Variants in LRMDA observed in about 807,000 individuals in gnomAD.
The protein encoded by LRMDA is leucine rich melanocyte differentiation associated, also known as leucine-rich melanocyte differentiation-associated protein.
Under a neutral mutation model 29.8 loss-of-function variants are expected in LRMDA, and 18 were observed. The observed-to-expected ratio is 0.60, with a 90% confidence interval of 0.42 to 0.90. The LOEUF is 0.90. Among genes scored for constraint, LRMDA ranks in the 40% least tolerant of loss-of-function variants. LRMDA has a pLI of 0.00. For synonymous variants in LRMDA, 125 were observed against 109.4 expected, an observed-to-expected ratio of 1.14 and a Z score of -0.89; for missense variants, 273 against 273.9, an observed-to-expected ratio of 1.00 and a Z score of 0.02.
chr10:76,448,412 T>C (rs149940498), intron 6 of LRMDA, among the ~76,000 whole-genome samples: 43 of 152,240 alleles, frequency 2.8e-4, no homozygotes, highest in African/African-American at 9.6e-4. Context: ...TAAAAGAGTA[T>C]GAATATTTGT....
chr10:75,564,684 C>G (rs983761574), intron 2 of LRMDA, among the ~76,000 whole-genome samples: 1 of 152,228 alleles, frequency 6.6e-6, no homozygotes, highest in African/African-American at 2.4e-5. Context: ...TGGCTGCCCT[C>G]TCTGGAGTAT....
In LRMDA at chr10:76,198,209, G is replaced by A. The variant is rs201316827; in HGVS notation, c.517-126192G>A. 1.4e-4 allele frequency among the ~76,000 whole-genome samples: 21 copies of A among 152,308 alleles called. No homozygotes were observed. The East Asian group carries it at 3.7e-3, about 27-fold the overall frequency. ...GCTTTGGTTGTCATCTGAAGCCTAG[G>A]ACAGTGCTTCTCAAACTTTACTGTG... On this transcript the variant is annotated intron_variant, in intron 5 of 6. Transcript: ENST00000611255.
chr10:75,808,770 A>C (rs1032155402), intron 2 of LRMDA, among the ~76,000 whole-genome samples: 1 of 152,172 alleles, frequency 6.6e-6, no homozygotes, highest in Non-Finnish European at 1.5e-5. Context: ...GGCCTCCCAA[A>C]GTGCTGGGAT....
chr10:76,138,988 C>G (rs1850148648), intron 5 of LRMDA, among the ~76,000 whole-genome samples: 1 of 152,140 alleles, frequency 6.6e-6, no homozygotes, highest in Non-Finnish European at 1.5e-5. Context: ...GTCATGGAAA[C>G]TTATCTTTCC....
intron 5 of LRMDA, among the ~76,000 whole-genome samples, chr10:76,078,195 G>C (rs1221728746): frequency 2.6e-5 from 4 of 151,208 alleles, no homozygotes; most frequent in Non-Finnish European, 5.9e-5. Context: ...ATTTTTAGTA[G>C]AGACGTGTTT....
At chr10:75,567,553 C>G (rs2132067688) in intron 2 of LRMDA, among the ~76,000 whole-genome samples, 1 of 152,288 alleles carries the variant, frequency 6.6e-6, no homozygotes, top group Middle Eastern at 3.4e-3. Context: ...AAGCACCAAG[C>G]ATTTAAAGTT....
At chr10:76,400,038 GA>G (rs1347721878) in intron 6 of LRMDA, among the ~76,000 whole-genome samples, 3 of 152,022 alleles carry the variant, frequency 2.0e-5, no homozygotes, top group African/African-American at 7.2e-5. Flanking sequence ...GCAGATTATC[GA>G]AAAAAGTAAT....
At chr10:75,926,558 TG>T (rs1846123295) in intron 2 of LRMDA, among the ~76,000 whole-genome samples, 3 of 152,246 alleles carry the variant, frequency 2.0e-5, no homozygotes, top group African/African-American at 7.2e-5. Context: ...CTTGATTTTA[TG>T]CAGTATACTA....
intron 2 of LRMDA, among the ~76,000 whole-genome samples, chr10:75,530,712 T>G (rs766928659): frequency 1.3e-5 from 2 of 152,162 alleles, no homozygotes; most frequent in Non-Finnish European, 2.9e-5. Context: ...TCACTGAGAC[T>G]GGGGAAGAAC....
chr10:75,883,923 A>T (rs1451918537), intron 2 of LRMDA, among the ~76,000 whole-genome samples: 1 of 151,758 alleles, frequency 6.6e-6, no homozygotes, highest in Non-Finnish European at 1.5e-5. Context: ...AAAAATTCTC[A>T]CTGTAGTGCA....
At chr10:76,152,437 G>C (rs1850462826) in intron 5 of LRMDA, among the ~76,000 whole-genome samples, 1 of 151,926 alleles carries the variant, frequency 6.6e-6, no homozygotes, top group African/African-American at 2.4e-5. Context: ...TGGACATTTT[G>C]GTTATTTCTA....
intron 5 of LRMDA, among the ~76,000 whole-genome samples, chr10:76,250,754 G>T (rs959439054): frequency 6.6e-6 from 1 of 152,136 alleles, no homozygotes; most frequent in Admixed American, 6.5e-5. Context: ...GAAAAATAGA[G>T]GCCTGTTTCC....
intron 2 of LRMDA, among the ~76,000 whole-genome samples, chr10:75,845,156 T>A (rs1844611193): frequency 6.6e-6 from 1 of 152,212 alleles, no homozygotes; most frequent in African/African-American, 2.4e-5. Context: ...AGCTGCTTTT[T>A]ATACATTACA....
chr10:76,470,094 A>T lies in LRMDA; in HGVS notation c.602-87115A>T, dbSNP rs75860446. Among the ~76,000 whole-genome samples the T allele has an allele frequency of 5.3e-3, 813 of 152,176 alleles. 2 individuals carry two copies. The highest frequency in any genetic ancestry group is 0.019 in the African/African-American group (769 of 41,522). On this transcript the variant is annotated intron_variant, in intron 6 of 6. Transcript: ENST00000611255. Reference sequence around the variant, plus strand: ...AAGCAACAATCTTATATCCAGCAAAACTCTCTTTCAAATATGAAGGTGAAA... The same window carrying T: ...AAGCAACAATCTTATATCCAGCAAATCTCTCTTTCAAATATGAAGGTGAAA...
intron 2 of LRMDA, among the ~76,000 whole-genome samples, chr10:75,963,238 C>G (rs1047383791): frequency 1.3e-5 from 2 of 152,134 alleles, no homozygotes; most frequent in African/African-American, 4.8e-5. Context: ...ATAAAGTAAT[C>G]CAAGAATCTG....
chr10:75,572,974 A>G (rs1180812160), intron 2 of LRMDA, among the ~76,000 whole-genome samples: 14 of 152,192 alleles, frequency 9.2e-5, no homozygotes, highest in Non-Finnish European at 1.5e-5. Context: ...TCAGAAACCA[A>G]ATTTTCTTTA....
At chr10:76,165,776 C>T (rs749136548) in intron 5 of LRMDA, among the ~76,000 whole-genome samples, 1 of 152,106 alleles carries the variant, frequency 6.6e-6, no homozygotes, top group Non-Finnish European at 1.5e-5. Context: ...ATGAGGGTAG[C>T]CGCCCCCATT....
intron 4 of LRMDA, among the ~76,000 whole-genome samples, chr10:76,057,215 A>G (rs1848630287): frequency 6.6e-6 from 1 of 152,146 alleles, no homozygotes; most frequent in Non-Finnish European, 1.5e-5. Context: ...TAACCACTCT[A>G]TGCATAACCT....
chr10:75,642,732 T>A (rs886930333), intron 2 of LRMDA: 2 of 152,124 alleles, frequency 1.3e-5, no homozygotes, highest in African/African-American at 4.8e-5. Context: ...TTGCTTTATG[T>A]GAAAGTCACA....
Sources: allele counts gnomAD v4.1 joint callset (sites outside exome capture counted in the v4.1 genomes callset), GRCh38; gene constraint gnomAD v4.1.1; transcripts MANE v1.5; gene names NCBI Gene and HGNC (gene_info 2026-07-23, HGNC 2026-07-21).